RASGRP1: variants seen among roughly 807,000 people sequenced by gnomAD.
The protein encoded by RASGRP1 is RAS guanyl releasing protein 1.
In RASGRP1, 37 loss-of-function variants were observed where a neutral mutation model predicts 95.1. The observed-to-expected ratio is 0.39, with a 90% CI of 0.30 to 0.51. The LOEUF is 0.51. Ranked by LOEUF, RASGRP1 falls within the 20% of genes least tolerant of loss-of-function variation. The probability of loss-of-function intolerance (pLI) is 0.80; values close to 1 mark genes in which losing one functional copy is unlikely to be tolerated. For synonymous variants in RASGRP1, 325 were observed against 353.4 expected (o/e 0.92, Z 0.90); for missense variants, 711 against 965.4 (o/e 0.74, Z 3.49).
intron 2 of RASGRP1, among the ~76,000 whole-genome samples, chr15:38,556,347 T>C (rs1335653929): frequency 1.3e-5 from 2 of 152,336 alleles, no homozygotes; most frequent in Non-Finnish European, 2.9e-5. Context: ...GTGCTCTTAA[T>C]TTATATGTAC....
In RASGRP1 at chr15:38,526,287, G is replaced by C. The variant is rs758232207; in HGVS notation, c.326+12C>G. On this transcript the variant is annotated intron_variant, in intron 3 of 16. Coordinates refer to ENST00000310803, the MANE Select transcript of RASGRP1 (RefSeq NM_005739.4). Reference sequence around the variant, plus strand: ...CCATTTTGGGATTGCCAGTCACTATGTTAAAGGATATAGGGTGATAACTTT... The same window carrying C: ...CCATTTTGGGATTGCCAGTCACTATCTTAAAGGATATAGGGTGATAACTTT... The C allele has an allele frequency of 5.0e-6, 8 of 1,601,672 alleles. No homozygotes were observed. Among genetic ancestry groups the C allele is most frequent in the Non-Finnish European group, 6.8e-6 (8 of 1,169,042 alleles).
At chr15:38,496,465 C>G (rs1353461132) in intron 15 of RASGRP1, among the ~76,000 whole-genome samples, 3 of 152,148 alleles carry the variant, frequency 2.0e-5, no homozygotes, top group Non-Finnish European at 4.4e-5. Context: ...AGGCTGTTCT[C>G]TGCTGTCTTT....
chr15:38,490,806 C>A, intron 16 of RASGRP1, 118 bp from the exon 17 acceptor site: 3 of 1,071,358 alleles, frequency 2.8e-6, no homozygotes, highest in South Asian at 1.7e-5. Flanking sequence ...GAATTAACAA[C>A]CATTTTCAAG....
At chr15:38,564,504 C>A in intron 1 of RASGRP1, 90 bp downstream of exon 1, 1 of 1,192,110 alleles carries the variant, frequency 8.4e-7, no homozygotes, top group South Asian at 3.4e-5. Flanking sequence ...CCGCCCTCAA[C>A]TTCCCTCGGG....
At chr15:38,521,220 A>G (rs1353756041) in intron 3 of RASGRP1, among the ~76,000 whole-genome samples, 1 of 152,182 alleles carries the variant, frequency 6.6e-6, no homozygotes, top group Non-Finnish European at 1.5e-5. Context: ...GCACATAGAT[A>G]AATACCTCTC....
rs150106071 is a variant in RASGRP1 at position 38,543,159 on chromosome 15, T to C, written c.220+16662A>G. Reference sequence around the variant, plus strand: ...TTCTAGAAGACTTATCGTTTTAACTTTACATTCAGGTTAACATTATTTACA... The same window carrying C: ...TTCTAGAAGACTTATCGTTTTAACTCTACATTCAGGTTAACATTATTTACA... On this transcript the variant is annotated intron_variant, in intron 2 of 16. Transcript: ENST00000310803. Among the ~76,000 whole-genome samples the C allele has an allele frequency of 4.0e-3, 602 of 152,194 alleles. 5 individuals carry two copies. The highest frequency in any genetic ancestry group is 0.014 in the African/African-American group (574 of 41,540).
chr15:38,545,809 T>TTATA (rs1893083432), intron 2 of RASGRP1, among the ~76,000 whole-genome samples: 1 of 152,224 alleles, frequency 6.6e-6, no homozygotes, highest in Non-Finnish European at 1.5e-5. Flanking sequence ...TTTAGATATA[T>TTATA]GAAATACTCC....
chr15:38,563,618 C>T (rs1192833131), intron 1 of RASGRP1, among the ~76,000 whole-genome samples: 1 of 152,158 alleles, frequency 6.6e-6, no homozygotes, highest in Non-Finnish European at 1.5e-5. Context: ...CTTCCAGTCC[C>T]GTCCTCTTCC....
intron 2 of RASGRP1, among the ~76,000 whole-genome samples, chr15:38,527,259 G>A (rs1349510582): frequency 1.3e-5 from 2 of 152,182 alleles, no homozygotes; most frequent in South Asian, 2.1e-4. Context: ...TTCCAGTTGG[G>A]TTTAGCCATT....
rs1890495445 is a variant in RASGRP1, at chr15:38,489,702, TGAA to T, written c.*849_*851del. ...TACTTCAGAAGAGAAAGATGGAACA[TGAA>T]GAGTTAAACAGACTCTTCATAGACT... is the stretch of plus-strand genomic sequence containing the variant. On this transcript the variant is annotated 3_prime_UTR_variant, in exon 17 of 17. Coordinates refer to ENST00000310803, the MANE Select transcript of RASGRP1 (RefSeq NM_005739.4). 6.7e-6 allele frequency: 1 copy of T among 149,148 alleles called. No homozygotes were observed. Among genetic ancestry groups the T allele is most frequent in the Admixed American group, 6.8e-5 (1 of 14,668 alleles). The allele number at this position is 149,148 out of a possible 1,614,324, so 9.2% of individuals were successfully genotyped here.
At chr15:38,499,142 C>T (rs1890912358) in intron 14 of RASGRP1, 196 bp from the exon 15 acceptor site, 1 of 759,420 alleles carries the variant, frequency 1.3e-6, no homozygotes, top group African/African-American at 1.7e-5. Flanking sequence ...CTTGATGTAG[C>T]CCTTATCAGT....
chr15:38,511,565 A>T (rs202143451), intron 8 of RASGRP1, 39 bp downstream of exon 8: 77 of 1,486,736 alleles, frequency 5.2e-5, no homozygotes, highest in Non-Finnish European at 7.1e-5. Context: ...ACATCTTGAG[A>T]ATGCTGCTAA....
At chr15:38,563,399 T>C (rs1421732601) in intron 1 of RASGRP1, among the ~76,000 whole-genome samples, 2 of 151,998 alleles carry the variant, frequency 1.3e-5, no homozygotes, top group African/African-American at 4.8e-5. Context: ...CAAAGCCCCA[T>C]AGGTTTGCTG....
chr15:38,554,488 T>C (rs1893470320), intron 2 of RASGRP1, among the ~76,000 whole-genome samples: 1 of 152,172 alleles, frequency 6.6e-6, no homozygotes, highest in South Asian at 2.1e-4. Flanking sequence ...GCATAAGCAT[T>C]GCCTCTGTTC....
At position 38,518,299 on chromosome 15, in the gene RASGRP1, T is replaced by C. The variant is rs1891864523; in HGVS notation, c.514A>G (p.Thr172Ala). Residue 172 changes from threonine (T) to alanine (A), a missense_variant, in exon 5 of 17, where the codon ACT (threonine) becomes GCT (alanine). Physicochemically the swap from Thr to Ala is moderately conservative, Grantham distance 58. This residue lies in a region of RASGRP1 where 491 missense variants were observed against 676.6 expected (regional missense o/e 0.73). Transcript: ENST00000310803. ...EELHCRLIDTTQINARDWSRK... is the reference protein window; with the variant it reads ...EELHCRLIDTAQINARDWSRK... ...CAAGACCTTGACACTCACATTTGAG[T>C]TGTGTCAATCAGGCGGCAATGTAAC... The C allele has an allele frequency of 6.2e-7, 1 of 1,609,566 alleles. No homozygotes were observed. The highest frequency in any genetic ancestry group is 1.7e-5 in the Admixed American group (1 of 59,526).
chr15:38,519,492 T>A lies in RASGRP1; in HGVS notation c.327-121A>T, dbSNP rs1595851907. 12 of 764,896 alleles carry A rather than the reference T, an allele frequency of 1.6e-5. No individual in the cohort carries two copies. The East Asian group carries it at 3.0e-4, about 19-fold the overall frequency. 47.4% of individuals were successfully genotyped at this position (764,896 alleles called of 1,614,324 possible). On this transcript the variant is annotated intron_variant, in intron 3 of 16. Coordinates refer to ENST00000310803, the MANE Select transcript of RASGRP1 (RefSeq NM_005739.4). ...TTTTTTCTAAAAAATGAAAATGTGATGCTTTATCTTTCTGGCCAAAGGATA... is the reference window on the plus strand; with the variant it reads ...TTTTTTCTAAAAAATGAAAATGTGAAGCTTTATCTTTCTGGCCAAAGGATA...
At chr15:38,499,536 C>G (rs1263778660) in intron 14 of RASGRP1, among the ~76,000 whole-genome samples, 4 of 152,218 alleles carry the variant, frequency 2.6e-5, no homozygotes, top group Non-Finnish European at 4.4e-5. Flanking sequence ...AAATGCCTAT[C>G]TGTGCAACCA....
intron 10 of RASGRP1, chr15:38,504,153 A>C (rs996101967): frequency 1.3e-5 from 2 of 152,234 alleles, no homozygotes; most frequent in African/African-American, 4.8e-5. Context: ...TTTCAAGATT[A>C]GAAATTACTG....
At chr15:38,516,042 G>T (rs1009219643) in intron 6 of RASGRP1, among the ~76,000 whole-genome samples, 155 bp downstream of exon 6, 26 of 151,930 alleles carry the variant, frequency 1.7e-4, no homozygotes, top group Non-Finnish European at 2.9e-5. Flanking sequence ...AATTCAGATG[G>T]TACTGATTTT....
Sources: allele counts gnomAD v4.1 joint callset (sites outside exome capture counted in the v4.1 genomes callset), GRCh38; gene constraint gnomAD v4.1.1; regional missense constraint gnomAD v4.1.1; transcripts MANE v1.5; gene names NCBI Gene and HGNC (gene_info 2026-07-23, HGNC 2026-07-21).